USH2A: variants seen among roughly 807,000 people sequenced by gnomAD.
USH2A encodes the protein usherin.
Under a neutral mutation model 538.9 loss-of-function variants are expected in USH2A, and 443 were observed. That is an observed-to-expected ratio of 0.82 (90% confidence interval 0.76 to 0.89). USH2A has a LOEUF of 0.89. Ranked by LOEUF, USH2A falls within the 40% of genes least tolerant of loss-of-function variation. The pLI is 0.00. For missense variants in USH2A, 6,633 were observed against 6,324.8 expected (o/e 1.05, Z -1.65); for synonymous variants, 2,413 against 2,273.5 (o/e 1.06, Z -1.75).
intron 11 of USH2A, among the ~76,000 whole-genome samples, chr1:216,267,297 A>G (rs886208516): frequency 1.3e-5 from 2 of 152,108 alleles, no homozygotes; most frequent in Admixed American, 1.3e-4. Context: ...GTCCTTGGAG[A>G]CCTTAACAAG....
chr1:215,787,464 C>T (rs978198889), intron 51 of USH2A, among the ~76,000 whole-genome samples: 1 of 152,040 alleles, frequency 6.6e-6, no homozygotes, highest in African/African-American at 2.4e-5. Context: ...ATTATTTACG[C>T]TTATAAACAT....
rs1172521480 is a variant in USH2A at position 215,934,599 on chromosome 1, C to A, written c.7300+17G>T. On this transcript the variant is annotated intron_variant, in intron 38 of 71. Transcript: ENST00000307340. ...CATTTATATAAAATTAGATAGCCAA[C>A]ATTTGCATAGACTTACCTCCTGGAG... is the stretch of plus-strand genomic sequence containing the variant. The A allele has an allele frequency of 6.2e-7, 1 of 1,609,714 alleles. No individual in the cohort carries two copies. The highest frequency in any genetic ancestry group is 8.5e-7 in the Non-Finnish European group (1 of 1,177,202).
intron 36 of USH2A, among the ~76,000 whole-genome samples, chr1:215,967,415 C>T (rs1048626848): frequency 6.6e-6 from 1 of 152,182 alleles, no homozygotes; most frequent in Non-Finnish European, 1.5e-5. Flanking sequence ...GATCCACCCA[C>T]TTTGACCTCC....
chr1:216,219,733 T>C (rs1457039259), intron 14 of USH2A, among the ~76,000 whole-genome samples: 1 of 152,138 alleles, frequency 6.6e-6, no homozygotes, highest in East Asian at 1.9e-4. Flanking sequence ...TCTCCCGCAA[T>C]CTGTTTAAAA....
intron 65 of USH2A, among the ~76,000 whole-genome samples, chr1:215,649,612 AAT>A (rs761230220): frequency 6.6e-6 from 1 of 152,204 alleles, no homozygotes; most frequent in Non-Finnish European, 1.5e-5. Context: ...AAAATATGCT[AAT>A]ATTCCTTTAA....
rs550510604 is a variant in USH2A at position 216,339,396 on chromosome 1, A to G, written c.785-11742T>C. Reference sequence around the variant, plus strand: ...AATAGCCAATGTTTGACCATTTTTAATCTATAAGAATGGCAATTGTATATT... The same window carrying G: ...AATAGCCAATGTTTGACCATTTTTAGTCTATAAGAATGGCAATTGTATATT... On this transcript the variant is annotated intron_variant, in intron 4 of 71. Transcript: ENST00000307340. Among the ~76,000 whole-genome samples the G allele has an allele frequency of 8.6e-5, 13 of 151,798 alleles. No homozygotes were observed. In the South Asian group the frequency reaches 2.7e-3, roughly 31 times the overall value.
intron 47 of USH2A, among the ~76,000 whole-genome samples, chr1:215,819,127 T>C (rs1287275527): frequency 6.6e-6 from 1 of 151,912 alleles, no homozygotes; most frequent in African/African-American, 2.4e-5. Context: ...CATTCCCATA[T>C]ATACTTTGGA....
intron 38 of USH2A, among the ~76,000 whole-genome samples, chr1:215,912,457 A>ATATATATATATATACG (rs1665813669): frequency 1.1e-4 from 4 of 36,822 alleles, no homozygotes; most frequent in East Asian, 2.7e-3. Context: ...GTATGTGTAT[A>ATATATATATATATACG]TATATATATA....
At chr1:216,351,307 C>A (rs894783326) in intron 4 of USH2A, among the ~76,000 whole-genome samples, 1 of 152,082 alleles carries the variant, frequency 6.6e-6, no homozygotes, top group South Asian at 2.1e-4. Context: ...CAGATGTAAA[C>A]GGGGTGATAA....
Position 216,084,698 on chromosome 1 carries a change from C to T in USH2A, c.5167G>A (p.Gly1723Arg), listed in dbSNP as rs1342455785. ...ACTCATGTCTTTTTTAGAGCATTACCTGCTCCTAGGAACTGAGCTCCCTCA... is the reference window on the plus strand; with the variant it reads ...ACTCATGTCTTTTTTAGAGCATTACTTGCTCCTAGGAACTGAGCTCCCTCA... ...LNEGAQFLGA[G>R]FLELHPYMFH... Residue 1723 changes from glycine to arginine, a missense_variant and splice_region_variant, in exon 25 of 72, where the codon GGG (glycine) becomes AGG (arginine). Transcript: ENST00000307340. 6.2e-7 allele frequency: 1 copy of T among 1,612,708 alleles called. No individual in the cohort carries two copies. Among genetic ancestry groups the T allele is most frequent in the African/African-American group, 1.3e-5 (1 of 74,858 alleles).
intron 35 of USH2A, among the ~76,000 whole-genome samples, chr1:215,981,959 C>A: frequency 6.6e-6 from 1 of 152,128 alleles, no homozygotes; most frequent in East Asian, 1.9e-4. Flanking sequence ...AATTGTATGG[C>A]CAATTATTTT....
At chr1:216,243,070 A>C (rs1302245145) in intron 13 of USH2A, among the ~76,000 whole-genome samples, 1 of 152,218 alleles carries the variant, frequency 6.6e-6, no homozygotes, top group Non-Finnish European at 1.5e-5. Context: ...TAGCTTGATC[A>C]TTCTAGCTTT....
chr1:215,767,296 T>A (rs574307393), intron 55 of USH2A, among the ~76,000 whole-genome samples: 1 of 152,292 alleles, frequency 6.6e-6, no homozygotes, highest in East Asian at 1.9e-4. Context: ...CCCCCCTGAG[T>A]CTTCTCTTCT....
rs766505885 is a variant in USH2A, at chr1:215,766,732, A to C, written c.10996T>G (p.Cys3666Gly). 14 of 1,613,714 alleles carry C rather than the reference A, an allele frequency of 8.7e-6. No homozygotes were observed. The highest frequency in any genetic ancestry group is 1.2e-5 in the Non-Finnish European group (14 of 1,179,676). Residue 3666 changes from cysteine to glycine, a missense_variant, in exon 56 of 72, where the codon TGC (cysteine) becomes GGC (glycine). By Grantham distance (159) the Cys-to-Gly change is radical. Coordinates refer to ENST00000307340, the MANE Select transcript of USH2A (RefSeq NM_206933.4). The stretch of plus-strand genomic sequence containing the variant: ...CCTAGAAAAGGCTCGCTTGAAGTGC[A>C]CCCAGCAGATGTACAAGCTGTAAGA... ...FTLTACTSAGCTSSEPFLGQT... is the reference protein window; with the variant it reads ...FTLTACTSAGGTSSEPFLGQT...
intron 21 of USH2A, among the ~76,000 whole-genome samples, chr1:216,129,004 T>C (rs1310916825): frequency 6.6e-6 from 1 of 152,124 alleles, no homozygotes; most frequent in Non-Finnish European, 1.5e-5. Context: ...GAACATGCAA[T>C]ATGTGTCTTT....
chr1:215,973,940 T>TCA (rs140368318), intron 35 of USH2A, among the ~76,000 whole-genome samples: 3,818 of 146,000 alleles, frequency 0.026, 142 homozygotes, highest in African/African-American at 0.077. Flanking sequence ...ATAGGTGAGA[T>TCA]CACACACACA....
At position 216,246,931 on chromosome 1, in the gene USH2A, A is replaced by G. The variant is rs2036061410; in HGVS notation, c.2463T>C (p.Val821=). 1.2e-6 allele frequency: 2 copies of G among 1,614,132 alleles called. No homozygotes were observed. Among genetic ancestry groups the G allele is most frequent in the Non-Finnish European group, 1.7e-6 (2 of 1,179,990 alleles). ...AACATTTATTGCACTGTCTCCCTTC[A>G]ACATTGGGCTTGCAGATGCACTGCC... ...KTGQCICKPN[V]EGRQCNKCLE... Residue 821 remains valine (V), a synonymous_variant, in exon 13 of 72, where the codon GTT becomes GTC. Transcript: ENST00000307340.
At chr1:215,966,382 C>T (rs1004611091) in intron 36 of USH2A, among the ~76,000 whole-genome samples, 11 of 152,074 alleles carry the variant, frequency 7.2e-5, no homozygotes, top group Non-Finnish European at 1.6e-4. Context: ...GATATTTGAC[C>T]TTTCACAATT....
At chr1:215,869,635 T>C (rs975872726) in intron 43 of USH2A, among the ~76,000 whole-genome samples, 7 of 152,202 alleles carry the variant, frequency 4.6e-5, no homozygotes, top group Admixed American at 2.6e-4. Context: ...TTTTACTTCA[T>C]AAAATGACTT....
Sources: gnomAD v4.1 joint callset for allele counts (sites outside exome capture counted in the v4.1 genomes callset) on GRCh38, gnomAD v4.1.1 for gene constraint, MANE v1.5 for transcripts, NCBI Gene and HGNC (gene_info 2026-07-23, HGNC 2026-07-21) for gene names.